NECAB1: variants seen among roughly 807,000 people sequenced by gnomAD.
The protein encoded by NECAB1 is N-terminal EF-hand calcium binding protein 1, also known as N-terminal EF-hand calcium-binding protein 1.
A neutral mutation model predicts 57.5 loss-of-function variants in NECAB1; 29 were observed. That is an observed-to-expected ratio of 0.50 (90% CI 0.38 to 0.69). The LOEUF (loss-of-function observed/expected upper bound fraction) is 0.69, where lower values mean the gene tolerates loss of function less well. Among genes scored for constraint, NECAB1 ranks in the 30% least tolerant of loss-of-function variants. NECAB1 has a pLI of 0.00. For synonymous variants in NECAB1, 142 were observed against 147.7 expected, an observed-to-expected ratio of 0.96 and a Z score of 0.28; for missense variants, 372 against 413.8, an observed-to-expected ratio of 0.90 and a Z score of 0.88.
intron 5 of NECAB1, among the ~76,000 whole-genome samples, chr8:90,900,708 A>AT (rs1314422671): frequency 2.6e-5 from 4 of 152,322 alleles, no homozygotes; most frequent in African/African-American, 9.6e-5. Flanking sequence ...TTGCCATGGC[A>AT]AAGGAGCAAA....
intron 12 of NECAB1, among the ~76,000 whole-genome samples, chr8:90,955,110 A>ATTT (rs1811003263): frequency 2.0e-5 from 2 of 97,716 alleles, no homozygotes; most frequent in Non-Finnish European, 3.8e-5. Flanking sequence ...TGGGTATATA[A>ATTT]ATTATATATA....
At chr8:90,913,787 A>G (rs1809886509) in intron 5 of NECAB1, among the ~76,000 whole-genome samples, 1 of 152,190 alleles carries the variant, frequency 6.6e-6, no homozygotes, top group Non-Finnish European at 1.5e-5. Context: ...CATATCTGAG[A>G]AAAGGGAAGG....
chr8:90,958,085 T>C lies in NECAB1; in HGVS notation c.*2573T>C, dbSNP rs1263837119. 7 of 92,432 alleles carry C rather than the reference T, an allele frequency of 7.6e-5. No individual in the cohort carries two copies. Among genetic ancestry groups the C allele is most frequent in the African/African-American group, 1.2e-4 (2 of 16,104 alleles). The allele number at this position is 92,432 out of a possible 1,614,324, so 5.7% of individuals were successfully genotyped here. A position where few individuals can be genotyped will look rare whatever the true frequency, so the allele number is the denominator to read the frequency against. ...CAGCAGATTTTTCTGGAAGAAACCCTTTTTTTTTTTTTTTTTAAACAGTAA... is the reference window on the plus strand; with the variant it reads ...CAGCAGATTTTTCTGGAAGAAACCCCTTTTTTTTTTTTTTTTAAACAGTAA... On this transcript the variant is annotated 3_prime_UTR_variant, in exon 13 of 13. Coordinates refer to ENST00000417640, the MANE Select transcript of NECAB1 (RefSeq NM_022351.5).
chr8:90,876,928 T>G (rs1563513934), intron 4 of NECAB1, among the ~76,000 whole-genome samples: 1 of 152,186 alleles, frequency 6.6e-6, no homozygotes, highest in Admixed American at 6.5e-5. Flanking sequence ...ACAAAATAGG[T>G]CTTTTCTTCA....
rs1020279935 is a variant in NECAB1, at chr8:90,959,191, C to T, written c.*3679C>T. 5.1e-5 allele frequency: 20 copies of T among 394,594 alleles called. No homozygotes were observed. The highest frequency in any genetic ancestry group is 1.5e-4 in the African/African-American group (7 of 47,408). The allele number at this position is 394,594 out of a possible 1,614,324, so 24.4% of individuals were successfully genotyped here. On this transcript the variant is annotated 3_prime_UTR_variant, in exon 13 of 13. Transcript: ENST00000417640. ...TAACTAGAACTGTCAAATAACAAAA[C>T]GGCTCATGTTTTTAAAATATATGTA... is the stretch of plus-strand genomic sequence containing the variant.
intron 9 of NECAB1, among the ~76,000 whole-genome samples, chr8:90,938,380 C>G (rs1810589436): frequency 6.6e-6 from 1 of 152,176 alleles, no homozygotes; most frequent in African/African-American, 2.4e-5. Context: ...TCTGAGCTAA[C>G]TATATCTTGG....
chr8:90,890,603 A>G (rs1809138471), intron 5 of NECAB1, among the ~76,000 whole-genome samples: 1 of 152,202 alleles, frequency 6.6e-6, no homozygotes, highest in African/African-American at 2.4e-5. Context: ...CAAAACACAT[A>G]TAACAAGATG....
At chr8:90,903,555 C>T (rs1809561943) in intron 5 of NECAB1, among the ~76,000 whole-genome samples, 2 of 152,066 alleles carry the variant, frequency 1.3e-5, no homozygotes, top group South Asian at 2.1e-4. Flanking sequence ...CAAAACTTAC[C>T]TGTTAGCTAT....
intron 5 of NECAB1, among the ~76,000 whole-genome samples, chr8:90,906,534 A>G (rs1032467064): frequency 5.3e-5 from 8 of 152,072 alleles, no homozygotes; most frequent in Non-Finnish European, 1.2e-4. Flanking sequence ...AAGGCCTTCA[A>G]TGCAAGATTA....
In NECAB1 at chr8:90,827,351, G is replaced by A. The variant is rs565424501; in HGVS notation, c.233+2526G>A. On this transcript the variant is annotated intron_variant, in intron 3 of 12. Coordinates refer to ENST00000417640, the MANE Select transcript of NECAB1 (RefSeq NM_022351.5). ...GACTCACTGTCTCACACTGTTTGTG[G>A]TAGGCTGTGAGAGTCAGAGTCTATG... 2.6e-5 allele frequency among the ~76,000 whole-genome samples: 4 copies of A among 152,058 alleles called. No homozygotes were observed. In the South Asian group the frequency reaches 8.3e-4, roughly 31 times the overall value.
intron 4 of NECAB1, among the ~76,000 whole-genome samples, chr8:90,874,921 A>G (rs922203597): frequency 1.3e-5 from 2 of 150,506 alleles, no homozygotes; most frequent in African/African-American, 2.5e-5. Context: ...CTCTTCACAT[A>G]CAATTGTGAA....
chr8:90,936,098 G>A lies in NECAB1; in HGVS notation c.747+1741G>A, dbSNP rs1047507079. ...AGTAAGTGCATTACTATAAATTCCT[G>A]TAAAACCTCCTATATTCAGAATGAC... is the stretch of plus-strand genomic sequence containing the variant. On this transcript the variant is annotated intron_variant, in intron 9 of 12. Transcript: ENST00000417640. Among the ~76,000 whole-genome samples, 6 of 152,110 alleles carry A rather than the reference G, an allele frequency of 3.9e-5. No individual in the cohort carries two copies. In the East Asian group the frequency reaches 7.7e-4, roughly 20 times the overall value.
chr8:90,849,789 G>T (rs1281075415), intron 3 of NECAB1, among the ~76,000 whole-genome samples: 1 of 144,840 alleles, frequency 6.9e-6, no homozygotes, highest in Non-Finnish European at 1.5e-5. Context: ...TGCCTTCCAG[G>T]TTCACGCCAT....
chr8:90,822,533 A>C (rs138294734), intron 2 of NECAB1, among the ~76,000 whole-genome samples: 3 of 151,874 alleles, frequency 2.0e-5, no homozygotes, highest in African/African-American at 7.2e-5. Context: ...TTTTTTTCTA[A>C]TAAGAGGATT....
intron 3 of NECAB1, among the ~76,000 whole-genome samples, chr8:90,846,267 T>G (rs969880733): frequency 6.6e-6 from 1 of 152,238 alleles, no homozygotes; most frequent in Non-Finnish European, 1.5e-5. Flanking sequence ...ATTTAATACT[T>G]TCCTAGGCTT....
rs1160644506 is a variant in NECAB1 at position 90,958,149 on chromosome 8, A to C, written c.*2637A>C. 6.6e-6 allele frequency: 1 copy of C among 151,268 alleles called. No homozygotes were observed. The highest frequency in any genetic ancestry group is 2.4e-5 in the African/African-American group (1 of 41,316). The allele number at this position is 151,268 out of a possible 1,614,324, so 9.4% of individuals were successfully genotyped here. A position where few individuals can be genotyped will look rare whatever the true frequency, so the allele number is the denominator to read the frequency against. ...AAATTGCAGGAGATTTAATGTATAA[A>C]ATTTCTAGGAATTAAAAGCTTAAAC... On this transcript the variant is annotated 3_prime_UTR_variant, in exon 13 of 13. Coordinates refer to ENST00000417640, the MANE Select transcript of NECAB1 (RefSeq NM_022351.5).
At chr8:90,947,198 C>T (rs751799293) in intron 10 of NECAB1, among the ~76,000 whole-genome samples, 2 of 151,924 alleles carry the variant, frequency 1.3e-5, no homozygotes, top group Non-Finnish European at 2.9e-5. Context: ...CCTTTTGTTT[C>T]TGTTAGCTTT....
chr8:90,899,521 A>T (rs1365362596), intron 5 of NECAB1, among the ~76,000 whole-genome samples: 4 of 152,192 alleles, frequency 2.6e-5, no homozygotes, highest in African/African-American at 9.7e-5. Flanking sequence ...AAGCTCACTA[A>T]AAGTAAAGAG....
chr8:90,908,253 TATTC>T (rs1220170534), intron 5 of NECAB1, among the ~76,000 whole-genome samples: 2 of 152,160 alleles, frequency 1.3e-5, no homozygotes, highest in African/African-American at 4.8e-5. Flanking sequence ...TTAAAAATGA[TATTC>T]AAAGAAAAGT....
Sources: allele counts gnomAD v4.1 joint callset (sites outside exome capture counted in the v4.1 genomes callset), GRCh38; gene constraint gnomAD v4.1.1; transcripts MANE v1.5; gene names NCBI Gene and HGNC (gene_info 2026-07-23, HGNC 2026-07-21).